SNTG2: variants seen among roughly 807,000 people sequenced by gnomAD.
The protein encoded by SNTG2 is syntrophin gamma 2, also known as gamma-2-syntrophin.
A neutral mutation model predicts 70.9 loss-of-function variants in SNTG2; 74 were observed. The observed-to-expected ratio is 1.04, with a 90% CI of 0.86 to 1.27. The LOEUF (loss-of-function observed/expected upper bound fraction) is 1.27. Among genes scored for constraint, SNTG2 ranks in the 50% most tolerant of loss-of-function variants. The pLI is 0.00. For synonymous variants in SNTG2, 278 were observed against 273.8 expected (o/e 1.02, Z -0.15); for missense variants, 717 against 690.7 (o/e 1.04, Z -0.43).
intron 8 of SNTG2, among the ~76,000 whole-genome samples, chr2:1,180,661 G>A (rs1479773633): frequency 2.0e-5 from 3 of 149,784 alleles, no homozygotes; most frequent in Non-Finnish European, 3.0e-5. Flanking sequence ...TCAGTGTGGC[G>A]ATTCCTCAGG....
intron 1 of SNTG2, among the ~76,000 whole-genome samples, chr2:1,048,183 A>C (rs1178035379): frequency 6.6e-6 from 1 of 152,144 alleles, no homozygotes; most frequent in Non-Finnish European, 1.5e-5. Context: ...CAAAATGCCT[A>C]CTTTTTGTGT....
intron 1 of SNTG2, among the ~76,000 whole-genome samples, chr2:979,152 C>T (rs1661012952): frequency 6.6e-6 from 1 of 152,066 alleles, no homozygotes; most frequent in African/African-American, 2.4e-5. Context: ...ATTACCATGG[C>T]CTTGGTGGAC....
chr2:1,227,915 A>G (rs1196888296), intron 9 of SNTG2, among the ~76,000 whole-genome samples: 1 of 152,132 alleles, frequency 6.6e-6, no homozygotes, highest in Non-Finnish European at 1.5e-5. Flanking sequence ...GTCGGACTCC[A>G]TTCTAAAAAT....
intron 1 of SNTG2, among the ~76,000 whole-genome samples, chr2:1,081,319 A>T (rs569723926): frequency 1.3e-5 from 2 of 152,334 alleles, no homozygotes; most frequent in South Asian, 2.1e-4. Context: ...AGGTGTGGTG[A>T]GAACGCACAT....
chr2:1,346,217 CT>C (rs112952684), intron 16 of SNTG2, among the ~76,000 whole-genome samples: 1,893 of 95,608 alleles, frequency 0.02, 251 homozygotes, highest in African/African-American at 0.082. Context: ...TGGACTGGCA[CT>C]TTTCCCCCTG....
intron 1 of SNTG2, among the ~76,000 whole-genome samples, chr2:982,441 A>G (rs925195804): frequency 6.6e-6 from 1 of 152,130 alleles, no homozygotes; most frequent in Non-Finnish European, 1.5e-5. Context: ...CACCTCCTCT[A>G]TCCCTACTGC....
chr2:1,064,257 A>T (rs867604155), intron 1 of SNTG2, among the ~76,000 whole-genome samples: 1 of 152,078 alleles, frequency 6.6e-6, no homozygotes, highest in Non-Finnish European at 1.5e-5. Context: ...TTAAACCCTT[A>T]AACAGCCTTG....
intron 14 of SNTG2, among the ~76,000 whole-genome samples, chr2:1,277,048 T>A (rs1679296494): frequency 6.6e-6 from 1 of 152,228 alleles, no homozygotes; most frequent in Admixed American, 6.5e-5. Flanking sequence ...CTCTTATGGA[T>A]AAGCAAAGAA....
chr2:1,367,421 C>G lies in SNTG2; in HGVS notation c.1567C>G (p.Pro523Ala). 1 of 1,551,692 alleles carries G rather than the reference C, an allele frequency of 6.4e-7. No individual in the cohort carries two copies. Among genetic ancestry groups the G allele is most frequent in the South Asian group, 1.2e-5 (1 of 84,048 alleles). Residue 523 changes from proline to alanine, a missense_variant, in exon 17 of 17, where the codon CCC (proline) becomes GCC (alanine). Coordinates refer to ENST00000308624, the MANE Select transcript of SNTG2 (RefSeq NM_018968.4). ...AGCAGCCAAGGTGGCCTCCGTGGAC[C>G]CCGGCTTCATGGACAGTCAGAGTCT... ...FIAAKVASVD[P>A]GFMDSQSLAR...
At chr2:1,040,447 T>C (rs1294566056) in intron 1 of SNTG2, among the ~76,000 whole-genome samples, 1 of 152,308 alleles carries the variant, frequency 6.6e-6, no homozygotes, top group Non-Finnish European at 1.5e-5. Context: ...CTGCTTTCAG[T>C]ACCTTGCCCT....
At chr2:1,172,394 T>C (rs957089982) in intron 7 of SNTG2, among the ~76,000 whole-genome samples, 1 of 152,150 alleles carries the variant, frequency 6.6e-6, no homozygotes, top group Admixed American at 6.5e-5. Context: ...CTAAGCCACA[T>C]GGGAGCTGCC....
chr2:1,320,548 AAAAAG>A (rs1558205595), intron 16 of SNTG2, among the ~76,000 whole-genome samples: 2 of 150,712 alleles, frequency 1.3e-5, no homozygotes, highest in African/African-American at 4.9e-5. Flanking sequence ...AAAAAAAAAA[AAAAAG>A]AAAGAAAAAA....
intron 1 of SNTG2, among the ~76,000 whole-genome samples, chr2:1,028,194 A>C (rs1237752899): frequency 1.4e-5 from 2 of 147,300 alleles, no homozygotes; most frequent in Non-Finnish European, 2.9e-5. Flanking sequence ...CAAGTAACTC[A>C]TGCATCTCTG....
intron 16 of SNTG2, among the ~76,000 whole-genome samples, chr2:1,330,807 C>CA (rs774887698): frequency 8.5e-5 from 13 of 152,154 alleles, no homozygotes; most frequent in Admixed American, 4.6e-4. Context: ...CGGGTGTTGC[C>CA]AACGGGGTGC....
intron 4 of SNTG2, among the ~76,000 whole-genome samples, chr2:1,102,123 C>T (rs62107377): frequency 0.12 from 18,895 of 152,232 alleles, 1,533 homozygotes; most frequent in East Asian, 0.27. Flanking sequence ...GCAGTGAACA[C>T]GTGTGCGATA....
intron 6 of SNTG2, among the ~76,000 whole-genome samples, chr2:1,149,837 G>A (rs71339714): frequency 0.94 from 141,553 of 151,120 alleles, 66,425 homozygotes; most frequent in Non-Finnish European, 0.97. Context: ...ACAGGCTCCC[G>A]CCACCGCGCC....
chr2:1,132,260 CACAT>C (rs1231215396), intron 4 of SNTG2, among the ~76,000 whole-genome samples: 37 of 151,664 alleles, frequency 2.4e-4, no homozygotes, highest in African/African-American at 8.2e-4. Flanking sequence ...CACACACACA[CACAT>C]ACATACACAC....
intron 16 of SNTG2, among the ~76,000 whole-genome samples, chr2:1,349,638 G>T (rs1660474846): frequency 6.6e-6 from 1 of 152,240 alleles, no homozygotes; most frequent in African/African-American, 2.4e-5. Context: ...TAGAAGCAAG[G>T]TGGGGTCACT....
At chr2:1,315,415 G>C (rs539413351) in intron 15 of SNTG2, among the ~76,000 whole-genome samples, 2 of 151,872 alleles carry the variant, frequency 1.3e-5, no homozygotes, top group Non-Finnish European at 2.9e-5. Flanking sequence ...CTGACACTTA[G>C]AGAAAAATAT....
Sources: gnomAD v4.1 joint callset for allele counts (sites outside exome capture counted in the v4.1 genomes callset) on GRCh38, gnomAD v4.1.1 for gene constraint, MANE v1.5 for transcripts, NCBI Gene and HGNC (gene_info 2026-07-23, HGNC 2026-07-21) for gene names.